FBN2: variants seen among roughly 807,000 people sequenced by gnomAD.
FBN2 encodes fibrillin 2.
FBN2 carries 105 observed loss-of-function variants against 355.6 expected under a neutral mutation model. The observed-to-expected ratio is 0.30, with a 90% CI of 0.25 to 0.35. The LOEUF is 0.35. Among genes scored for constraint, FBN2 ranks in the 10% least tolerant of loss-of-function variants. FBN2 has a pLI of 1.00. For missense variants in FBN2, 3,280 were observed against 3,758.7 expected, an observed-to-expected ratio of 0.87 and a Z score of 3.33; for synonymous variants, 1,350 against 1,301.2, an observed-to-expected ratio of 1.04 and a Z score of -0.81.
At chr5:128,361,945 T>C in intron 18 of FBN2, 97 bp from the exon 19 acceptor site, 1 of 1,235,218 alleles carries the variant, frequency 8.1e-7, no homozygotes, top group South Asian at 1.2e-5. Flanking sequence ...TATTTCCCTC[T>C]TTCTTCTCTG....
intron 20 of FBN2, 132 bp downstream of exon 20, chr5:128,357,144 T>TA (rs1186121225): frequency 3.5e-6 from 4 of 1,152,466 alleles, no homozygotes; most frequent in Non-Finnish European, 5.1e-6. Context: ...TGATATTGAG[T>TA]AAAAACAACT....
chr5:128,365,295 T>C (rs1334623295), intron 17 of FBN2: 2 of 153,826 alleles, frequency 1.3e-5, no homozygotes, highest in Non-Finnish European at 2.9e-5. Context: ...ACTACTACTA[T>C]ATCACCGAGG....
chr5:128,309,350 C>T lies in FBN2; in HGVS notation c.5250G>A (p.Glu1750=). The change falls in exon 41 of 65, where the codon GAG becomes GAA. Residue 1750 remains glutamate, a synonymous_variant. Transcript: ENST00000262464. ...CYRSYNGTTC[E]NELPFNVTKR... is the part of the protein sequence containing the mutation. ...TTGTCACATTGAAAGGCAACTCATT[C>T]TCACAAGTGGTTCCATTATAGCTTC... The T allele has an allele frequency of 1.9e-6, 3 of 1,614,054 alleles. No homozygotes were observed. Among genetic ancestry groups the T allele is most frequent in the Non-Finnish European group, 2.5e-6 (3 of 1,179,936 alleles).
chr5:128,366,714 T>C (rs1373379401), intron 16 of FBN2, among the ~76,000 whole-genome samples: 1 of 152,148 alleles, frequency 6.6e-6, no homozygotes, highest in African/African-American at 2.4e-5. Flanking sequence ...AAAATATAAA[T>C]GGTCTTAAAG....
intron 5 of FBN2, among the ~76,000 whole-genome samples, chr5:128,485,558 C>G (rs7726680): frequency 0.5 from 75,532 of 151,904 alleles, 22,020 homozygotes; most frequent in African/African-American, 0.82. Flanking sequence ...CAGCAAGTTG[C>G]ATAATACATG....
intron 32 of FBN2, among the ~76,000 whole-genome samples, chr5:128,331,917 G>A (rs187717375): frequency 6.6e-6 from 1 of 152,248 alleles, no homozygotes; most frequent in East Asian, 1.9e-4. Context: ...GGCACATGGG[G>A]CTACGAAAAT....
chr5:128,380,851 G>C (rs1389269108), intron 11 of FBN2, among the ~76,000 whole-genome samples: 1 of 152,008 alleles, frequency 6.6e-6, no homozygotes, highest in Non-Finnish European at 1.5e-5. Flanking sequence ...GGAACAGAAA[G>C]TACTTAAATA....
rs1439764425 is a variant in FBN2 at position 128,305,486 on chromosome 5, A to G, written c.5674+25T>C. ...CTAAGGAATCTTGTGCTCAGTGCCA[A>G]AGAATGAGTCAGCCTCTTTCTTACC... On this transcript the variant is annotated intron_variant, in intron 44 of 64. Transcript: ENST00000262464. 3.1e-6 allele frequency: 5 copies of G among 1,613,874 alleles called. No homozygotes were observed. In the Middle Eastern group the frequency reaches 5.0e-4, roughly 160 times the overall value.
At chr5:128,378,201 G>C (rs1752137035) in intron 12 of FBN2, among the ~76,000 whole-genome samples, 1 of 152,018 alleles carries the variant, frequency 6.6e-6, no homozygotes, top group Non-Finnish European at 1.5e-5. Context: ...CAAGATGTTG[G>C]ATAAGTGTAA....
intron 5 of FBN2, among the ~76,000 whole-genome samples, chr5:128,480,015 TATATATATGTATATAC>T (rs1277206991): frequency 1.7e-5 from 1 of 59,612 alleles, no homozygotes; most frequent in African/African-American, 6.5e-5. Context: ...TATATATATA[TATATATATGTATATAC>T]ACACACACAC....
chr5:128,522,608 G>A (rs1432416782), intron 4 of FBN2, among the ~76,000 whole-genome samples: 1 of 152,136 alleles, frequency 6.6e-6, no homozygotes, highest in Non-Finnish European at 1.5e-5. Context: ...GTCTGCAGCA[G>A]CCGAAGTTTA....
At chr5:128,326,901 G>A (rs1323289596) in intron 34 of FBN2, among the ~76,000 whole-genome samples, 1 of 152,124 alleles carries the variant, frequency 6.6e-6, no homozygotes, top group Non-Finnish European at 1.5e-5. Context: ...GGGGGAGAGG[G>A]AAGTTCTGAA....
rs3989391 is a variant in FBN2, at chr5:128,269,283, GTAATAA to G, written c.7960+2710_7960+2715del. Among the ~76,000 whole-genome samples, 75 of 145,144 alleles carry G rather than the reference GTAATAA, an allele frequency of 5.2e-4. 1 individual carries two copies. The highest frequency in any genetic ancestry group is 3.2e-3 in the South Asian group (15 of 4,668). ...TACAATAATAATAATAATAATAATA[GTAATAA>G]TAATAATAATAATAATAAACTAATA... On this transcript the variant is annotated intron_variant, in intron 62 of 64. Coordinates refer to ENST00000262464, the MANE Select transcript of FBN2 (RefSeq NM_001999.4).
intron 4 of FBN2, among the ~76,000 whole-genome samples, chr5:128,525,076 T>C (rs867475665): frequency 3.3e-5 from 5 of 152,164 alleles, no homozygotes; most frequent in Middle Eastern, 3.4e-3. Flanking sequence ...ACAACCCTCA[T>C]ACATACATAC....
At chr5:128,456,232 G>A (rs1462266122) in intron 6 of FBN2, among the ~76,000 whole-genome samples, 34 of 152,016 alleles carry the variant, frequency 2.2e-4, no homozygotes, top group Admixed American at 2.2e-3. Context: ...TCCTCAGTGG[G>A]TGGGGCCTTC....
At chr5:128,480,000 ATATATATATATATATATATATATG>A (rs1180824807) in intron 5 of FBN2, among the ~76,000 whole-genome samples, 16 of 78,406 alleles carry the variant, frequency 2.0e-4, no homozygotes, top group African/African-American at 5.4e-4. Flanking sequence ...ATATATATAT[ATATATATATATATATATATATATG>A]TATATACACA....
chr5:128,337,709 C>A (rs940892131), intron 27 of FBN2, among the ~76,000 whole-genome samples: 1 of 152,110 alleles, frequency 6.6e-6, no homozygotes, highest in Non-Finnish European at 1.5e-5. Flanking sequence ...CCATTTTTTC[C>A]TAATGGAGGA....
At chr5:128,327,773 G>A (rs1007109061) in intron 34 of FBN2, among the ~76,000 whole-genome samples, 2 of 151,916 alleles carry the variant, frequency 1.3e-5, no homozygotes, top group Non-Finnish European at 2.9e-5. Flanking sequence ...TGAGTAGCTG[G>A]GATTACAGGC....
Position 128,297,050 on chromosome 5 carries a change from C to T in FBN2, c.6166+3767G>A, listed in dbSNP as rs1005638468. 1.2e-3 allele frequency among the ~76,000 whole-genome samples: 177 copies of T among 152,162 alleles called. 1 individual carries two copies. The highest frequency in any genetic ancestry group is 3.4e-3 in the African/African-American group (140 of 41,532). On this transcript the variant is annotated intron_variant, in intron 48 of 64. Transcript: ENST00000262464. Reference sequence around the variant, plus strand: ...CTGGTATGTTGTGTCTTTGTTCTCGCTGGTTTCAAATAACATCTTTATTTC... The same window carrying T: ...CTGGTATGTTGTGTCTTTGTTCTCGTTGGTTTCAAATAACATCTTTATTTC...
Sources: allele counts gnomAD v4.1 joint callset (sites outside exome capture counted in the v4.1 genomes callset), GRCh38; gene constraint gnomAD v4.1.1; transcripts MANE v1.5; gene names NCBI Gene and HGNC (gene_info 2026-07-23, HGNC 2026-07-21).